Variants in CTNNA3 observed in about 807,000 individuals in gnomAD.
CTNNA3 encodes the protein catenin alpha 3.
In CTNNA3, 76 loss-of-function variants were observed where a neutral mutation model predicts 95.7. The observed-to-expected ratio is 0.79, with a 90% CI of 0.66 to 0.96. The LOEUF (loss-of-function observed/expected upper bound fraction) is 0.96, where lower values mean the gene tolerates loss of function less well. Ranked by LOEUF, CTNNA3 falls within the 40% of genes least tolerant of loss-of-function variation. CTNNA3 has a pLI of 0.00. For synonymous variants in CTNNA3, 431 were observed against 374.4 expected, an observed-to-expected ratio of 1.15 and a Z score of -1.74; for missense variants, 1,191 against 1,089.8, an observed-to-expected ratio of 1.09 and a Z score of -1.31.
At chr10:66,676,245 T>C (rs1349379545) in intron 9 of CTNNA3, among the ~76,000 whole-genome samples, 1 of 151,800 alleles carries the variant, frequency 6.6e-6, no homozygotes, top group Non-Finnish European at 1.5e-5. Flanking sequence ...TCAAAATGGC[T>C]GCTGGGATAG....
At chr10:66,109,626 G>A (rs2082042333) in intron 13 of CTNNA3, among the ~76,000 whole-genome samples, 2 of 152,052 alleles carry the variant, frequency 1.3e-5, no homozygotes, top group Admixed American at 1.3e-4. Context: ...TTTCCCATGA[G>A]CCAAGTTAAA....
intron 13 of CTNNA3, among the ~76,000 whole-genome samples, chr10:66,170,233 CTCAT>C (rs1433861032): frequency 1.5e-5 from 2 of 133,826 alleles, no homozygotes; most frequent in Non-Finnish European, 3.2e-5. Context: ...CATTCTCCTC[CTCAT>C]TGTCTTTTTT....
intron 13 of CTNNA3, among the ~76,000 whole-genome samples, chr10:66,261,168 G>C (rs560890876): frequency 1.3e-5 from 2 of 152,062 alleles, no homozygotes; most frequent in Admixed American, 6.6e-5. Context: ...GCAGCTCAAG[G>C]GTATAACTTT....
chr10:67,205,409 G>C (rs75580216), intron 6 of CTNNA3, among the ~76,000 whole-genome samples: 3,216 of 152,130 alleles, frequency 0.021, 96 homozygotes, highest in African/African-American at 0.061. Flanking sequence ...ATTTTATTTA[G>C]TTCTTATTTA....
Position 66,525,301 on chromosome 10 carries a change from A to G in CTNNA3, c.1375-4528T>C, listed in dbSNP as rs116347076. ...AAATGCTAATAACGATAATAATAAA[A>G]TACTAACAAAGTCCATACTTTGCAT... On this transcript the variant is annotated intron_variant, in intron 10 of 17. Transcript: ENST00000433211. Among the ~76,000 whole-genome samples, 1,050 of 152,252 alleles carry G rather than the reference A, an allele frequency of 6.9e-3. 14 individuals carry two copies. The highest frequency in any genetic ancestry group is 0.024 in the African/African-American group (1,004 of 41,536).
intron 8 of CTNNA3, 31 bp downstream of exon 8, chr10:66,775,413 T>C: frequency 6.8e-7 from 1 of 1,467,584 alleles, no homozygotes. Context: ...AGCCCCTATG[T>C]TTCTGACTCC....
chr10:67,473,865 A>G (rs1228886227), intron 5 of CTNNA3, among the ~76,000 whole-genome samples: 1 of 152,168 alleles, frequency 6.6e-6, no homozygotes, highest in Non-Finnish European at 1.5e-5. Context: ...AAATAATTCA[A>G]ATTTAAATCT....
At chr10:66,717,725 T>C (rs1410126085) in intron 9 of CTNNA3, among the ~76,000 whole-genome samples, 1 of 152,164 alleles carries the variant, frequency 6.6e-6, no homozygotes, top group Non-Finnish European at 1.5e-5. Flanking sequence ...ACAGTCTTAA[T>C]CACCTCTCTC....
At chr10:67,153,285 T>C (rs1449956189) in intron 7 of CTNNA3, among the ~76,000 whole-genome samples, 2 of 152,192 alleles carry the variant, frequency 1.3e-5, no homozygotes, top group Non-Finnish European at 2.9e-5. Flanking sequence ...CAGGAATCTT[T>C]TTACAAAACA....
intron 5 of CTNNA3, among the ~76,000 whole-genome samples, chr10:67,471,239 C>T (rs1480041659): frequency 1.3e-5 from 2 of 152,190 alleles, no homozygotes; most frequent in Non-Finnish European, 2.9e-5. Context: ...ACTCACTTCC[C>T]CTTTTAAACA....
intron 13 of CTNNA3, among the ~76,000 whole-genome samples, chr10:66,110,545 A>C (rs2082083980): frequency 6.6e-6 from 1 of 152,022 alleles, no homozygotes; most frequent in Non-Finnish European, 1.5e-5. Context: ...GTGAAATACT[A>C]TTTAGCCTTT....
intron 6 of CTNNA3, 116 bp from the exon 7 acceptor site, chr10:67,180,636 G>T: frequency 2.5e-6 from 2 of 788,180 alleles, no homozygotes; most frequent in Non-Finnish European, 4.2e-6. Context: ...AGAGAACTGT[G>T]TTTTACTGCC....
chr10:67,002,318 A>G (rs994126378), intron 7 of CTNNA3, among the ~76,000 whole-genome samples: 13 of 152,150 alleles, frequency 8.5e-5, no homozygotes, highest in African/African-American at 3.1e-4. Flanking sequence ...ACTTCAAATA[A>G]CTACTAATTC....
intron 3 of CTNNA3, among the ~76,000 whole-genome samples, chr10:67,558,724 C>T (rs1225827051): frequency 6.6e-6 from 1 of 152,248 alleles, no homozygotes; most frequent in Non-Finnish European, 1.5e-5. Flanking sequence ...AGGGAGTTCC[C>T]TTTCCTGGTC....
chr10:66,011,799 G>C (rs918064206), intron 15 of CTNNA3, among the ~76,000 whole-genome samples: 3 of 152,126 alleles, frequency 2.0e-5, no homozygotes, highest in Non-Finnish European at 4.4e-5. Flanking sequence ...AAAGAGTCTA[G>C]TTTACCAAGA....
intron 11 of CTNNA3, among the ~76,000 whole-genome samples, chr10:66,476,611 A>C (rs1309614511): frequency 6.6e-6 from 1 of 152,048 alleles, no homozygotes; most frequent in Non-Finnish European, 1.5e-5. Context: ...AAAACTATTT[A>C]CTTTTTATTT....
intron 12 of CTNNA3, among the ~76,000 whole-genome samples, chr10:66,332,616 G>A (rs533828876): frequency 6.6e-6 from 1 of 152,148 alleles, no homozygotes; most frequent in East Asian, 1.9e-4. Context: ...ATGTGTTACT[G>A]TATTTGGTTT....
chr10:67,158,142 C>T (rs894657337), intron 7 of CTNNA3, among the ~76,000 whole-genome samples: 1 of 151,994 alleles, frequency 6.6e-6, no homozygotes, highest in Non-Finnish European at 1.5e-5. Flanking sequence ...GTGTTACTGG[C>T]ACTATTAAAC....
chr10:65,975,319 T>A (rs969345968), intron 16 of CTNNA3, among the ~76,000 whole-genome samples: 1 of 151,656 alleles, frequency 6.6e-6, no homozygotes, highest in African/African-American at 2.4e-5. Flanking sequence ...ATCCCTCAAA[T>A]CTCCTCAAAA....
Sources: allele counts gnomAD v4.1 joint callset (sites outside exome capture counted in the v4.1 genomes callset), GRCh38; gene constraint gnomAD v4.1.1; transcripts MANE v1.5; gene names NCBI Gene and HGNC (gene_info 2026-07-23, HGNC 2026-07-21).